MTX1: variants seen among roughly 807,000 people sequenced by gnomAD.
The protein encoded by MTX1 is metaxin 1.
Under a neutral mutation model 39.4 loss-of-function variants are expected in MTX1, and 20 were observed. The ratio of observed to expected loss-of-function variants is 0.51; its 90% CI spans 0.36 to 0.74. The LOEUF (loss-of-function observed/expected upper bound fraction) is 0.74. MTX1 is among the 30% of genes least tolerant of loss of function. The pLI, the probability that MTX1 is intolerant of heterozygous loss-of-function variation, is 0.00. For synonymous variants in MTX1, 209 were observed against 198.6 expected, an observed-to-expected ratio of 1.05 and a Z score of -0.44; for missense variants, 481 against 485.9, an observed-to-expected ratio of 0.99 and a Z score of 0.10.
intron 3 of MTX1, 130 bp downstream of exon 3, chr1:155,210,757 C>A (rs1344205995): frequency 4.8e-6 from 4 of 831,290 alleles, no homozygotes; most frequent in African/African-American, 3.4e-5. Context: ...GAGCAACAGT[C>A]TTGTGGCAGA....
chr1:155,209,855 T>A (rs1403368398), intron 1 of MTX1, among the ~76,000 whole-genome samples: 1 of 152,258 alleles, frequency 6.6e-6, no homozygotes, highest in Non-Finnish European at 1.5e-5. Flanking sequence ...TTAAAGAGGA[T>A]CTATTAGATT....
At position 155,212,223 on chromosome 1, in the gene MTX1, A is replaced by G. The variant is rs1671152604; in HGVS notation, c.771+4A>G. On this transcript the variant is annotated splice_donor_region_variant and intron_variant, in intron 4 of 7. Coordinates refer to ENST00000368376, the MANE Select transcript of MTX1 (RefSeq NM_002455.5). ...GGAGAAGTTGCTCCCGGTGCTGGTG[A>G]GTGTGCCCAGACCTCCCAGCATCCA... 3.7e-6 allele frequency: 6 copies of G among 1,607,742 alleles called. No homozygotes were observed. Among genetic ancestry groups the G allele is most frequent in the Non-Finnish European group, 5.1e-6 (6 of 1,176,420 alleles).
At position 155,210,378 on chromosome 1, in the gene MTX1, G is replaced by A. The variant is rs561804824; in HGVS notation, c.561G>A (p.Lys187=). 2.9e-5 allele frequency: 47 copies of A among 1,614,214 alleles called. No homozygotes were observed. The South Asian group carries it at 4.8e-4, about 17-fold the overall frequency. The change falls in exon 2 of 8, where the codon AAG becomes AAA. Residue 187 remains lysine (K), a synonymous_variant. Transcript: ENST00000368376. ...TYARFTGAPL[K]VHKISNPWQS... The stretch of plus-strand genomic sequence containing the variant: ...CCAGATTTACTGGTGCTCCACTGAA[G>A]GTACACAAGATCAGCAACCCCTGGC...
At chr1:155,212,909 A>T in intron 6 of MTX1, 139 bp downstream of exon 6, 2 of 1,436,442 alleles carry the variant, frequency 1.4e-6, no homozygotes, top group Non-Finnish European at 9.3e-7. Context: ...GGCCCTAGTG[A>T]CAGTGTGACT....
At position 155,208,965 on chromosome 1, in the gene MTX1, G is replaced by C. The variant is rs763664713; in HGVS notation, c.161G>C (p.Gly54Ala). ...CCTGCCGCGCCTTCAGGGGTTCGGG[G>C]CTCCACTTGGACGAGGCGCCGTGAC... The part of the protein sequence containing the change: ...PEPAAPSGVR[G>A]STWTRRRDSP... Residue 54 changes from glycine to alanine, a missense_variant, in exon 1 of 8, where the codon GGC becomes GCC. Gly to Ala is a moderately conservative substitution (Grantham distance 60). Coordinates refer to ENST00000368376, the MANE Select transcript of MTX1 (RefSeq NM_002455.5). 5.0e-6 allele frequency: 8 copies of C among 1,607,818 alleles called. No individual in the cohort carries two copies. In the African/African-American group the frequency reaches 9.3e-5, roughly 19 times the overall value.
rs573520476 is a variant in MTX1, at chr1:155,213,259, G to A, written c.1054G>A (p.Val352Ile). ...CAGCCCTGCCTCCTTGGACGCCTTC[G>A]TCTTCAGCTACTTGGCCCTGCTGCT... ...GDAPASLDAF[V>I]FSYLALLLQA... Residue 352 changes from valine to isoleucine, a missense_variant, in exon 7 of 8, where the codon GTC becomes ATC. Transcript: ENST00000368376. 216 of 528,082 alleles carry A rather than the reference G, an allele frequency of 4.1e-4. 1 individual carries two copies. In the East Asian group the frequency reaches 6.0e-3, roughly 15 times the overall value. 32.7% of individuals were successfully genotyped at this position (528,082 alleles called of 1,614,324 possible).
Position 155,210,553 on chromosome 1 carries a change from C to G in MTX1, c.604C>G (p.Leu202Val), listed in dbSNP as rs1204933882. 1 of 1,614,046 alleles carries G rather than the reference C, an allele frequency of 6.2e-7. No homozygotes were observed. Among genetic ancestry groups the G allele is most frequent in the Non-Finnish European group, 8.5e-7 (1 of 1,180,004 alleles). ...TACTTCCCTCTCAATATCAGGAACT[C>G]TGCCTGCCCTTCGGACCAGTCATGG... ...SNPWQSPSGT[L>V]PALRTSHGEV... The change falls in exon 3 of 8, where the codon CTG becomes GTG. Residue 202 changes from leucine to valine, a missense_variant. Transcript: ENST00000368376.
intron 3 of MTX1, chr1:155,211,204 A>G (rs547122915): frequency 1.4e-4 from 21 of 153,914 alleles, no homozygotes; most frequent in African/African-American, 4.3e-4. Flanking sequence ...TGTCAGAAGT[A>G]GGACACTCTT....
chr1:155,210,561 C>G lies in MTX1; in HGVS notation c.612C>G (p.Ala204=). 2 of 1,614,038 alleles carry G rather than the reference C, an allele frequency of 1.2e-6. No homozygotes were observed. The highest frequency in any genetic ancestry group is 1.7e-6 in the Non-Finnish European group (2 of 1,179,942). Residue 204 remains alanine (A), a synonymous_variant, in exon 3 of 8, where the codon GCC becomes GCG. Coordinates refer to ENST00000368376, the MANE Select transcript of MTX1 (RefSeq NM_002455.5). ...PWQSPSGTLP[A]LRTSHGEVIS... ...TCTCAATATCAGGAACTCTGCCTGCCCTTCGGACCAGTCATGGAGAGGTCA... is the reference window on the plus strand; with the variant it reads ...TCTCAATATCAGGAACTCTGCCTGCGCTTCGGACCAGTCATGGAGAGGTCA...
chr1:155,213,355 A>G lies in MTX1; in HGVS notation c.1150A>G (p.Thr384Ala). ...RGLHNLCAYCTHILSLYFPWD... is the reference protein window; with the variant it reads ...RGLHNLCAYCAHILSLYFPWD... ...GCTGCACAACCTCTGTGCCTATTGT[A>G]CCCACATTCTCAGTCTCTACTTCCC... Residue 384 changes from threonine to alanine, a missense_variant, in exon 7 of 8, where the codon ACC becomes GCC. Thr to Ala is a moderately conservative substitution (Grantham distance 58). Transcript: ENST00000368376. 2 of 419,854 alleles carry G rather than the reference A, an allele frequency of 4.8e-6. No individual in the cohort carries two copies. Among genetic ancestry groups the G allele is most frequent in the South Asian group, 4.8e-5 (2 of 41,864 alleles). 26.0% of individuals were successfully genotyped at this position (419,854 alleles called of 1,614,324 possible).
At position 155,209,288 on chromosome 1, in the gene MTX1, G is replaced by A. The variant is rs1215063467; in HGVS notation, c.484G>A (p.Gly162Ser). The A allele has an allele frequency of 6.9e-7, 1 of 1,441,076 alleles. No homozygotes were observed. The highest frequency in any genetic ancestry group is 9.1e-7 in the Non-Finnish European group (1 of 1,096,684). The allele number at this position is 1,441,076 out of a possible 1,614,324, so 89.3% of individuals were successfully genotyped here. A position where few individuals can be genotyped will look rare whatever the true frequency, so the allele number is the denominator to read the frequency against. Reference sequence around the variant, plus strand: ...CATGGAGCTGTTCTGCTGGTCAGGGGGCTGGGGGCTGCCGTCAGTGGACCT... The same window carrying A: ...CATGGAGCTGTTCTGCTGGTCAGGGAGCTGGGGGCTGCCGTCAGTGGACCT... ...APMELFCWSGGWGLPSVDLDS... is the reference protein window; with the variant it reads ...APMELFCWSGSWGLPSVDLDS... Residue 162 changes from glycine (G) to serine (S), a missense_variant, in exon 1 of 8, where the codon GGC (glycine) becomes AGC (serine). Gly to Ser is a moderately conservative substitution (Grantham distance 56). This residue lies in a region of MTX1 where 368 missense variants were observed against 332.8 expected (regional missense o/e 1.11). Transcript: ENST00000368376.
Position 155,212,158 on chromosome 1 carries a change from G to C in MTX1, c.710G>C (p.Arg237Pro). ...KYNADYDLSA[R>P]QGADTLAFMS... Reference sequence around the variant, plus strand: ...AATGCTGATTATGATCTGTCAGCTCGGCAAGGGGCAGACACCCTGGCCTTC... The same window carrying C: ...AATGCTGATTATGATCTGTCAGCTCCGCAAGGGGCAGACACCCTGGCCTTC... The change falls in exon 4 of 8, where the codon CGG (arginine) becomes CCG (proline). Residue 237 changes from arginine to proline, a missense_variant. Physicochemically the swap from Arg to Pro is moderately radical, Grantham distance 103 (BLOSUM62 -2). This residue lies in a region of MTX1 where 368 missense variants were observed against 332.8 expected (regional missense o/e 1.11). Coordinates refer to ENST00000368376, the MANE Select transcript of MTX1 (RefSeq NM_002455.5). 6.2e-7 allele frequency: 1 copy of C among 1,611,882 alleles called. No individual in the cohort carries two copies. Among genetic ancestry groups the C allele is most frequent in the Non-Finnish European group, 8.5e-7 (1 of 1,178,888 alleles).
Position 155,208,964 on chromosome 1 carries a change from G to C in MTX1, c.160G>C (p.Gly54Arg). ...PEPAAPSGVR[G>R]STWTRRRDSP... ...GCCTGCCGCGCCTTCAGGGGTTCGG[G>C]GCTCCACTTGGACGAGGCGCCGTGA... Residue 54 changes from glycine to arginine, a missense_variant, in exon 1 of 8, where the codon GGC (glycine) becomes CGC (arginine). By Grantham distance (125) the Gly-to-Arg change is moderately radical. This residue lies in a region of MTX1 where 368 missense variants were observed against 332.8 expected (regional missense o/e 1.11). Coordinates refer to ENST00000368376, the MANE Select transcript of MTX1 (RefSeq NM_002455.5). The C allele has an allele frequency of 6.2e-7, 1 of 1,608,074 alleles. No homozygotes were observed. The highest frequency in any genetic ancestry group is 8.5e-7 in the Non-Finnish European group (1 of 1,178,430).
chr1:155,212,601 G>A lies in MTX1; in HGVS notation c.954+34G>A, dbSNP rs370935619. On this transcript the variant is annotated intron_variant, in intron 5 of 7. Transcript: ENST00000368376. ...GAGACCGGGGGCTATTGTATGAGATGAGCCCCAAGGATGCTGGCCAGGAAT... is the reference window on the plus strand; with the variant it reads ...GAGACCGGGGGCTATTGTATGAGATAAGCCCCAAGGATGCTGGCCAGGAAT... 2.5e-6 allele frequency: 4 copies of A among 1,603,466 alleles called. No homozygotes were observed. The African/African-American group carries it at 4.0e-5, about 16-fold the overall frequency.
Position 155,212,653 on chromosome 1 carries a change from C to A in MTX1, c.955-41C>A, listed in dbSNP as rs762078764. The A allele has an allele frequency of 1.1e-5, 18 of 1,612,528 alleles. No individual in the cohort carries two copies. In the South Asian group the frequency reaches 1.8e-4, roughly 16 times the overall value. ...GGAGTGCTTAGGTGGGGAGGTGGCA[C>A]TGTTCCCACAGCTGCAAGCCTACCT... On this transcript the variant is annotated intron_variant, in intron 5 of 7. Transcript: ENST00000368376.
At chr1:155,209,378 G>A in intron 1 of MTX1, 46 bp downstream of exon 1, 1 of 1,370,090 alleles carries the variant, frequency 7.3e-7, no homozygotes, top group Non-Finnish European at 9.4e-7. Context: ...GATGACTGGG[G>A]AGGGGGCCGA....
chr1:155,209,147 G>A lies in MTX1; in HGVS notation c.343G>A (p.Gly115Ser), dbSNP rs1381005605. The change falls in exon 1 of 8, where the codon GGC becomes AGC. Residue 115 changes from glycine to serine, a missense_variant. Transcript: ENST00000368376. Reference protein sequence around the residue: ...RSLASPGISPGPLTATIGGAV... With the variant: ...RSLASPGISPSPLTATIGGAV... ...CCTCGCCTCCCCGGGGATCTCCCCA[G>A]GCCCCCTGACCGCAACGATCGGAGG... The A allele has an allele frequency of 3.3e-6, 5 of 1,527,526 alleles. No homozygotes were observed. In the East Asian group the frequency reaches 9.9e-5, roughly 30 times the overall value. 94.6% of individuals were successfully genotyped at this position (1,527,526 alleles called of 1,614,324 possible). A position where few individuals can be genotyped will look rare whatever the true frequency, so the allele number is the denominator to read the frequency against.
rs1670955082 is a variant in MTX1, at chr1:155,209,151, C to T, written c.347C>T (p.Pro116Leu). Reference sequence around the variant, plus strand: ...GCCTCCCCGGGGATCTCCCCAGGCCCCCTGACCGCAACGATCGGAGGGGCG... The same window carrying T: ...GCCTCCCCGGGGATCTCCCCAGGCCTCCTGACCGCAACGATCGGAGGGGCG... ...SLASPGISPG[P>L]LTATIGGAVA... Residue 116 changes from proline (P) to leucine (L), a missense_variant, in exon 1 of 8, where the codon CCC becomes CTC. Pro to Leu is a moderately conservative substitution (Grantham distance 98). Around this residue, in one of 2 missense-constraint regions of MTX1, gnomAD observed 368 missense variants for 332.8 expected, o/e 1.11. Transcript: ENST00000368376. 6.6e-7 allele frequency: 1 copy of T among 1,519,010 alleles called. No homozygotes were observed. Among genetic ancestry groups the T allele is most frequent in the Non-Finnish European group, 8.8e-7 (1 of 1,130,074 alleles). The allele number at this position is 1,519,010 out of a possible 1,614,324, so 94.1% of individuals were successfully genotyped here.
In MTX1 at chr1:155,211,761, G is replaced by A. The variant is rs189663412; in HGVS notation, c.679-366G>A. ...GAGTCCTAGCCTGCATCTGAGCTCC[G>A]TTGTGCTAGCTTTGTGGTGTCTGGG... On this transcript the variant is annotated intron_variant, in intron 3 of 7. Coordinates refer to ENST00000368376, the MANE Select transcript of MTX1 (RefSeq NM_002455.5). 8 of 173,434 alleles carry A rather than the reference G, an allele frequency of 4.6e-5. No individual in the cohort carries two copies. The East Asian group carries it at 8.3e-4, about 18-fold the overall frequency. 10.7% of individuals were successfully genotyped at this position (173,434 alleles called of 1,614,324 possible).
Sources: gnomAD v4.1 joint callset for allele counts (sites outside exome capture counted in the v4.1 genomes callset) on GRCh38, gnomAD v4.1.1 for gene constraint, gnomAD v4.1.1 regional missense constraint, MANE v1.5 for transcripts, NCBI Gene and HGNC (gene_info 2026-07-23, HGNC 2026-07-21) for gene names.